Variants in OXR1 observed in about 807,000 individuals in gnomAD.
The protein encoded by OXR1 is oxidation resistance 1.
In OXR1, 41 loss-of-function variants were observed where a neutral mutation model predicts 104.6. The observed-to-expected ratio is 0.39, with a 90% CI of 0.31 to 0.51. The LOEUF (loss-of-function observed/expected upper bound fraction) is 0.51, where lower values mean the gene tolerates loss of function less well. Ranked by LOEUF, OXR1 falls within the 20% of genes least tolerant of loss-of-function variation. The probability of loss-of-function intolerance (pLI) is 0.77; values close to 1 mark genes in which losing one functional copy is unlikely to be tolerated. For synonymous variants in OXR1, 348 were observed against 348.4 expected, an observed-to-expected ratio of 1.00 and a Z score of 0.01; for missense variants, 955 against 1,031.9, an observed-to-expected ratio of 0.93 and a Z score of 1.02.
rs117341867 is a variant in OXR1, at chr8:106,359,707, G to A, written c.23+71G>A. On this transcript the variant is annotated intron_variant, in intron 2 of 16. Coordinates refer to ENST00000517566, the MANE Select transcript of OXR1 (RefSeq NM_001198533.2). ...ATGAGCAGTATTTTCTGAGGGAGTC[G>A]TACAGGCAGAACTTGGGCAGAGAGA... The A allele has an allele frequency of 8.1e-3, 8,893 of 1,092,556 alleles. 44 individuals are homozygous for A. The highest frequency in any genetic ancestry group is 0.011 in the Middle Eastern group (57 of 5,092). 67.7% of individuals were successfully genotyped at this position (1,092,556 alleles called of 1,614,324 possible). A position where few individuals can be genotyped will look rare whatever the true frequency, so the allele number is the denominator to read the frequency against.
chr8:106,699,590 G>A (rs1830408441), intron 7 of OXR1, among the ~76,000 whole-genome samples: 1 of 152,092 alleles, frequency 6.6e-6, no homozygotes, highest in African/African-American at 2.4e-5. Flanking sequence ...TGTAGTTTTA[G>A]GCAGCATTAG....
intron 3 of OXR1, among the ~76,000 whole-genome samples, chr8:106,650,669 C>T (rs1375373968): frequency 6.6e-6 from 1 of 152,136 alleles, no homozygotes; most frequent in Non-Finnish European, 1.5e-5. Context: ...TCTCATCACA[C>T]CCTAAGCCAC....
intron 2 of OXR1, among the ~76,000 whole-genome samples, chr8:106,503,525 A>G (rs1811947222): frequency 6.6e-6 from 1 of 152,152 alleles, no homozygotes; most frequent in African/African-American, 2.4e-5. Context: ...CTTAAGGGTA[A>G]GGGGTGAGGG....
At chr8:106,297,469 C>T (rs981181252) in intron 1 of OXR1, among the ~76,000 whole-genome samples, 8 of 152,116 alleles carry the variant, frequency 5.3e-5, no homozygotes, top group Non-Finnish European at 1.2e-4. Flanking sequence ...CATTATACAC[C>T]TTGGCTATAT....
At chr8:106,630,232 G>C (rs976390642) in intron 3 of OXR1, among the ~76,000 whole-genome samples, 2 of 152,192 alleles carry the variant, frequency 1.3e-5, no homozygotes, top group Admixed American at 1.3e-4. Flanking sequence ...TATCTGCAAT[G>C]TGGGGATAAT....
intron 2 of OXR1, among the ~76,000 whole-genome samples, chr8:106,385,658 A>G (rs944954729): frequency 1.3e-5 from 2 of 152,190 alleles, no homozygotes; most frequent in South Asian, 2.1e-4. Context: ...GTGAGTGTCT[A>G]AAATGTGACT....
intron 12 of OXR1, among the ~76,000 whole-genome samples, chr8:106,739,075 TACACACACACACACACACAC>T (rs71307086): frequency 1.8e-3 from 250 of 141,628 alleles, no homozygotes; most frequent in Non-Finnish European, 2.4e-3. Context: ...TTAAATAGCA[TACACACACACACACACACAC>T]ACACACACAC....
rs143485889 is a variant in OXR1 at position 106,405,141 on chromosome 8, CATATATATATATATATATATATAT to C, written c.23+45543_23+45566del. The stretch of plus-strand genomic sequence containing the variant: ...GATTAGAGAGCCAATTCAGAAACCA[CATATATATATATATATATATATAT>C]ATATATATATATATATATATATATA... On this transcript the variant is annotated intron_variant, in intron 2 of 16. Coordinates refer to ENST00000517566, the MANE Select transcript of OXR1 (RefSeq NM_001198533.2). Among the ~76,000 whole-genome samples, 559 of 79,730 alleles carry C rather than the reference CATATATATATATATATATATATAT, an allele frequency of 7.0e-3. 10 individuals are homozygous for C. The highest frequency in any genetic ancestry group is 0.022 in the South Asian group (43 of 1,920). The allele number at this position is 79,730 out of a possible 152,430, so 52.3% of individuals were successfully genotyped here.
chr8:106,517,851 C>A (rs2093866480), intron 2 of OXR1, among the ~76,000 whole-genome samples: 1 of 152,162 alleles, frequency 6.6e-6, no homozygotes, highest in Non-Finnish European at 1.5e-5. Flanking sequence ...ACATTGCTTT[C>A]ATTAATGACT....
At chr8:106,423,415 C>A (rs776123536) in intron 2 of OXR1, among the ~76,000 whole-genome samples, 6 of 152,074 alleles carry the variant, frequency 3.9e-5, no homozygotes, top group Non-Finnish European at 5.9e-5. Context: ...AACTAAATGA[C>A]TGGGGTTCAT....
intron 1 of OXR1, among the ~76,000 whole-genome samples, chr8:106,352,396 AC>A (rs1815763945): frequency 6.6e-6 from 1 of 152,206 alleles, no homozygotes; most frequent in Non-Finnish European, 1.5e-5. Flanking sequence ...AATTAGTACA[AC>A]TTCTATGAAA....
At chr8:106,289,098 C>A (rs903065937) in intron 1 of OXR1, among the ~76,000 whole-genome samples, 1 of 152,104 alleles carries the variant, frequency 6.6e-6, no homozygotes, top group Non-Finnish European at 1.5e-5. Flanking sequence ...GAAGCATTCC[C>A]CTTAAGAACT....
chr8:106,741,136 A>G (rs765760156), intron 14 of OXR1, among the ~76,000 whole-genome samples: 9 of 152,176 alleles, frequency 5.9e-5, no homozygotes, highest in Non-Finnish European at 1.2e-4. Context: ...CAACTATGAC[A>G]TAAGCTCATC....
chr8:106,547,492 C>CT (rs60073341), intron 3 of OXR1, among the ~76,000 whole-genome samples: 4,204 of 116,534 alleles, frequency 0.036, 274 homozygotes, highest in African/African-American at 0.12. Context: ...TTCTTTCTTT[C>CT]TTTTTTTTTT....
intron 2 of OXR1, among the ~76,000 whole-genome samples, chr8:106,395,619 TG>T (rs1299230968): frequency 6.6e-6 from 1 of 152,084 alleles, no homozygotes; most frequent in Non-Finnish European, 1.5e-5. Context: ...TGAGATTTGG[TG>T]GGGACACAGC....
intron 1 of OXR1, among the ~76,000 whole-genome samples, chr8:106,342,460 G>A (rs1333392774): frequency 6.6e-6 from 1 of 151,712 alleles, no homozygotes; most frequent in East Asian, 1.9e-4. Flanking sequence ...TCGCCATTTT[G>A]GCCAGGCTGG....
chr8:106,493,700 G>A (rs1811246031), intron 2 of OXR1, among the ~76,000 whole-genome samples: 1 of 152,130 alleles, frequency 6.6e-6, no homozygotes, highest in Admixed American at 6.6e-5. Context: ...GTCTTCTGGG[G>A]GCTTAGGATC....
At chr8:106,372,652 T>A (rs1816757752) in intron 2 of OXR1, among the ~76,000 whole-genome samples, 1 of 152,206 alleles carries the variant, frequency 6.6e-6, no homozygotes, top group Non-Finnish European at 1.5e-5. Flanking sequence ...ATTGAAAATA[T>A]TATATAAAAT....
intron 6 of OXR1, among the ~76,000 whole-genome samples, chr8:106,687,744 C>T (rs1175696209): frequency 6.6e-6 from 1 of 151,640 alleles, no homozygotes; most frequent in Non-Finnish European, 1.5e-5. Context: ...TTTGATGTGC[C>T]ATCTGTTTTT....
Sources: gnomAD v4.1 joint callset for allele counts (sites outside exome capture counted in the v4.1 genomes callset) on GRCh38, gnomAD v4.1.1 for gene constraint, MANE v1.5 for transcripts, NCBI Gene and HGNC (gene_info 2026-07-23, HGNC 2026-07-21) for gene names.